The following PA2G4 variants were observed in gnomAD, a reference collection of about 807,000 sequenced individuals.
PA2G4 encodes the protein proliferation-associated protein 2G4.
A neutral mutation model predicts 53.3 loss-of-function variants in PA2G4; 8 were observed. That is an observed-to-expected ratio of 0.15 (90% confidence interval 0.09 to 0.27). The LOEUF (loss-of-function observed/expected upper bound fraction) is 0.27, where lower values mean the gene tolerates loss of function less well. Among genes scored for constraint, PA2G4 ranks in the 10% least tolerant of loss-of-function variants. The probability of loss-of-function intolerance (pLI) is 1.00; values close to 1 mark genes in which losing one functional copy is unlikely to be tolerated. For synonymous variants in PA2G4, 143 were observed against 169.8 expected, an observed-to-expected ratio of 0.84 and a Z score of 1.23; for missense variants, 208 against 486.8, an observed-to-expected ratio of 0.43 and a Z score of 5.39.
In PA2G4 at chr12:56,110,681, G is replaced by A. The variant is rs145895424; in HGVS notation, c.831G>A (p.Pro277=). Residue 277 remains proline, a synonymous_variant, in exon 9 of 13, where the codon CCG becomes CCA. Coordinates refer to ENST00000303305, the MANE Select transcript of PA2G4 (RefSeq NM_006191.3). ...SEVERRFDAM[P]FTLRAFEDEK... ...TGGAAAGGCGTTTTGATGCCATGCC[G>A]TTTACTTTAAGGTACTAAGCAATGA... The A allele has an allele frequency of 2.6e-5, 42 of 1,614,090 alleles. No homozygotes were observed. The highest frequency in any genetic ancestry group is 1.7e-4 in the Middle Eastern group (1 of 6,058).
intron 12 of PA2G4, among the ~76,000 whole-genome samples, chr12:56,111,887 T>G (rs757858512): frequency 4.7e-4 from 71 of 151,100 alleles, no homozygotes; most frequent in Middle Eastern, 3.4e-3. Context: ...CTAAGGCGGA[T>G]GGATCACCTG....
rs576915957 is a variant in PA2G4, at chr12:56,112,856, G to A, written c.1153G>A (p.Glu385Lys). The change falls in exon 13 of 13, where the codon GAA (glutamate) becomes AAA (lysine). Residue 385 changes from glutamate (E) to lysine (K), a missense_variant. Physicochemically the swap from Glu to Lys is moderately conservative, Grantham distance 56. Around this residue, in one of 3 missense-constraint regions of PA2G4, gnomAD observed 50 missense variants for 82.3 expected, o/e 0.61. Transcript: ENST00000303305. ...GACTGCAGAGAATGCCACCAGTGGG[G>A]AAACATTAGAAGAAAATGAAGCTGG... ...SKTAENATSG[E>K]TLEENEAGD 1.9e-6 allele frequency: 3 copies of A among 1,580,132 alleles called. No individual in the cohort carries two copies. Among genetic ancestry groups the A allele is most frequent in the East Asian group, 4.8e-5 (2 of 41,586 alleles).
Position 56,113,554 on chromosome 12 carries a change from AATCC to A in PA2G4, c.*670_*673del. The A allele has an allele frequency of 2.7e-6, 1 of 371,948 alleles. No individual in the cohort carries two copies. Among genetic ancestry groups the A allele is most frequent in the East Asian group, 4.3e-5 (1 of 23,240 alleles). The allele number at this position is 371,948 out of a possible 1,614,324, so 23.0% of individuals were successfully genotyped here. On this transcript the variant is annotated 3_prime_UTR_variant, in exon 13 of 13. Coordinates refer to ENST00000303305, the MANE Select transcript of PA2G4 (RefSeq NM_006191.3). ...CATTTTCACAAAGCTGTAAAGAAAT[AATCC>A]ATCTCAACCTTACCCTTTTTCTCTG...
In PA2G4 at chr12:56,104,629, CCCTCT is replaced by C; in HGVS notation, c.-104_-100del. On this transcript the variant is annotated 5_prime_UTR_variant, in exon 1 of 13. Transcript: ENST00000303305. ...CCTTGCTTGCTCGCGCTTTCGCTCG[CCCTCT>C]CCTCGAGGATCGAGGGGACTCTGAC... 9.3e-7 allele frequency: 1 copy of C among 1,070,780 alleles called. No individual in the cohort carries two copies. The highest frequency in any genetic ancestry group is 1.5e-6 in the Non-Finnish European group (1 of 683,704). 66.3% of individuals were successfully genotyped at this position (1,070,780 alleles called of 1,614,324 possible). A position where few individuals can be genotyped will look rare whatever the true frequency, so the allele number is the denominator to read the frequency against.
In PA2G4 at chr12:56,110,487, G is replaced by C. The variant is rs1353911290; in HGVS notation, c.708+10G>C. The C allele has an allele frequency of 6.2e-7, 1 of 1,613,204 alleles. No individual in the cohort carries two copies. Among genetic ancestry groups the C allele is most frequent in the Non-Finnish European group, 8.5e-7 (1 of 1,179,102 alleles). ...CTCAGGAGAGGGCAAGGTGAGGAGA[G>C]TACCAGAGTTGGCAAAGAGGGGTGA... On this transcript the variant is annotated intron_variant, in intron 8 of 12. Coordinates refer to ENST00000303305, the MANE Select transcript of PA2G4 (RefSeq NM_006191.3).
rs747740989 is a variant in PA2G4, at chr12:56,111,288, G to A, written c.1044G>A (p.Glu348=). Residue 348 remains glutamate (E), a synonymous_variant, in exon 11 of 13, where the codon GAG becomes GAA. Coordinates refer to ENST00000303305, the MANE Select transcript of PA2G4 (RefSeq NM_006191.3). ...CTGACCTCTACAAGTCTGAGATGGAGGTCCAGGATGCAGAGCTAAAGGTTA... is the reference window on the plus strand; with the variant it reads ...CTGACCTCTACAAGTCTGAGATGGAAGTCCAGGATGCAGAGCTAAAGGTTA... ...FEPDLYKSEM[E]VQDAELKALL... 6.2e-7 allele frequency: 1 copy of A among 1,614,066 alleles called. No individual in the cohort carries two copies. The highest frequency in any genetic ancestry group is 8.5e-7 in the Non-Finnish European group (1 of 1,180,042).
intron 5 of PA2G4, among the ~76,000 whole-genome samples, chr12:56,108,702 T>G (rs550586509): frequency 6.6e-6 from 1 of 152,090 alleles, no homozygotes; most frequent in African/African-American, 2.4e-5. Flanking sequence ...AACTTATGAG[T>G]TTTTTGGAGA....
Position 56,104,665 on chromosome 12 carries a change from C to T in PA2G4, c.-73C>T. The T allele has an allele frequency of 7.3e-7, 1 of 1,365,414 alleles. No homozygotes were observed. Among genetic ancestry groups the T allele is most frequent in the South Asian group, 1.2e-5 (1 of 86,004 alleles). The allele number at this position is 1,365,414 out of a possible 1,614,324, so 84.6% of individuals were successfully genotyped here. A position where few individuals can be genotyped will look rare whatever the true frequency, so the allele number is the denominator to read the frequency against. On this transcript the variant is annotated 5_prime_UTR_variant, in exon 1 of 13. Transcript: ENST00000303305. ...AGGATCGAGGGGACTCTGACCACAG[C>T]CTGTGGCTGGGAAGGGAGACAGAGG...
Position 56,107,173 on chromosome 12 carries a change from A to C in PA2G4, c.324-14A>C. 6.2e-7 allele frequency: 1 copy of C among 1,612,218 alleles called. No homozygotes were observed. Among genetic ancestry groups the C allele is most frequent in the Non-Finnish European group, 8.5e-7 (1 of 1,178,302 alleles). On this transcript the variant is annotated splice_polypyrimidine_tract_variant and intron_variant, in intron 3 of 12. Coordinates refer to ENST00000303305, the MANE Select transcript of PA2G4 (RefSeq NM_006191.3). Reference sequence around the variant, plus strand: ...TGCCAGTTCCTAATGCAGTACTCTGATCTTGCCTTTCAGTGACCTTGGGGT... The same window carrying C: ...TGCCAGTTCCTAATGCAGTACTCTGCTCTTGCCTTTCAGTGACCTTGGGGT...
chr12:56,105,558 TTTG>T (rs1455762361), intron 1 of PA2G4, among the ~76,000 whole-genome samples: 2 of 152,234 alleles, frequency 1.3e-5, no homozygotes, highest in South Asian at 2.1e-4. Context: ...AGCATTCACA[TTTG>T]TTGTTCTCAG....
rs1209529010 is a variant in PA2G4, at chr12:56,113,473, T to C, written c.*585T>C. 1 of 217,706 alleles carries C rather than the reference T, an allele frequency of 4.6e-6. No homozygotes were observed. Among genetic ancestry groups the C allele is most frequent in the Non-Finnish European group, 9.1e-6 (1 of 110,320 alleles). 13.5% of individuals were successfully genotyped at this position (217,706 alleles called of 1,614,324 possible). A position where few individuals can be genotyped will look rare whatever the true frequency, so the allele number is the denominator to read the frequency against. On this transcript the variant is annotated 3_prime_UTR_variant, in exon 13 of 13. Transcript: ENST00000303305. ...CCATTTTAGGAGCTGGAGCCTTCATTTATGAAGAGATTCTCATCTATGAAA... is the reference window on the plus strand; with the variant it reads ...CCATTTTAGGAGCTGGAGCCTTCATCTATGAAGAGATTCTCATCTATGAAA...
rs1869470729 is a variant in PA2G4, at chr12:56,113,296, A to AT, written c.*414dup. ...TTTTTTATACCACTCTGATGTCAGC[A>AT]TTTTTTCCATCTGTTTGGGGCTTTT... On this transcript the variant is annotated 3_prime_UTR_variant, in exon 13 of 13. Coordinates refer to ENST00000303305, the MANE Select transcript of PA2G4 (RefSeq NM_006191.3). 6.0e-6 allele frequency: 1 copy of AT among 167,428 alleles called. No individual in the cohort carries two copies. Among genetic ancestry groups the AT allele is most frequent in the Admixed American group, 6.3e-5 (1 of 15,958 alleles). 10.4% of individuals were successfully genotyped at this position (167,428 alleles called of 1,614,324 possible). A position where few individuals can be genotyped will look rare whatever the true frequency, so the allele number is the denominator to read the frequency against.
intron 5 of PA2G4, among the ~76,000 whole-genome samples, chr12:56,107,858 A>G (rs570646514): frequency 4.0e-4 from 61 of 151,936 alleles, no homozygotes; most frequent in African/African-American, 1.3e-3. Context: ...GTGAAACCCC[A>G]TTTCTACAAA....
intron 12 of PA2G4, 50 bp downstream of exon 12, chr12:56,111,579 T>C (rs1462324744): frequency 1.3e-6 from 2 of 1,484,132 alleles, no homozygotes; most frequent in Non-Finnish European, 1.9e-6. Context: ...CTGATCCCTC[T>C]TTCTCCCACT....
At chr12:56,110,751 C>T in intron 9 of PA2G4, 59 bp downstream of exon 9, 1 of 1,598,938 alleles carries the variant, frequency 6.3e-7, no homozygotes, top group Non-Finnish European at 8.6e-7. Flanking sequence ...CACCCAGGAA[C>T]ACTTTTTCCT....
intron 5 of PA2G4, among the ~76,000 whole-genome samples, 160 bp downstream of exon 5, chr12:56,107,773 A>C (rs1447166646): frequency 6.6e-6 from 1 of 152,254 alleles, no homozygotes; most frequent in African/African-American, 2.4e-5. Context: ...TCACATCTGT[A>C]ATCCCATCAC....
At chr12:56,106,891 A>T in intron 2 of PA2G4, 99 bp from the exon 3 acceptor site, 3 of 1,297,404 alleles carry the variant, frequency 2.3e-6, no homozygotes, top group Non-Finnish European at 3.3e-6. Flanking sequence ...AACTGATGAA[A>T]CTTAAGCAAG....
intron 1 of PA2G4, among the ~76,000 whole-genome samples, chr12:56,105,564 G>A (rs1261256210): frequency 6.6e-6 from 1 of 152,152 alleles, no homozygotes. Context: ...CACATTTGTT[G>A]TTCTCAGTGA....
chr12:56,105,541 CTTAG>C (rs1466529009), intron 1 of PA2G4, among the ~76,000 whole-genome samples: 4 of 152,200 alleles, frequency 2.6e-5, no homozygotes, highest in Admixed American at 6.5e-5. Context: ...TGCAGATAGT[CTTAG>C]TTAGCATTCA....
Sources: allele counts gnomAD v4.1 joint callset (sites outside exome capture counted in the v4.1 genomes callset), GRCh38; gene constraint gnomAD v4.1.1; regional missense constraint gnomAD v4.1.1; transcripts MANE v1.5; gene names NCBI Gene and HGNC (gene_info 2026-07-23, HGNC 2026-07-21).